ZPBP: variants seen among roughly 807,000 people sequenced by gnomAD.
ZPBP encodes zona pellucida binding protein, also known as zona pellucida-binding protein 1.
Under a neutral mutation model 44.8 loss-of-function variants are expected in ZPBP, and 26 were observed. That is an observed-to-expected ratio of 0.58 (90% CI 0.43 to 0.81). The LOEUF (loss-of-function observed/expected upper bound fraction) is 0.81. Ranked by LOEUF, ZPBP falls within the 30% of genes least tolerant of loss-of-function variation. The pLI, the probability that ZPBP is intolerant of heterozygous loss-of-function variation, is 0.00. For missense variants in ZPBP, 409 were observed against 434.0 expected, an observed-to-expected ratio of 0.94 and a Z score of 0.51; for synonymous variants, 174 against 153.2, an observed-to-expected ratio of 1.14 and a Z score of -1.00.
chr7:49,953,179 A>G (rs1455246925), intron 7 of ZPBP, among the ~76,000 whole-genome samples: 1 of 152,162 alleles, frequency 6.6e-6, no homozygotes, highest in Non-Finnish European at 1.5e-5. Context: ...TAAGGAGACC[A>G]ACCTAAGAGT....
the ZPBP span, among the ~76,000 whole-genome samples, chr7:49,843,263 T>C: frequency 6.6e-6 from 1 of 152,214 alleles, no homozygotes; most frequent in Non-Finnish European, 1.5e-5. Context: ...ATTCAAATTC[T>C]GGTTTAAACT....
At chr7:50,051,805 G>C (rs1057186189) in intron 4 of ZPBP, among the ~76,000 whole-genome samples, 1 of 152,038 alleles carries the variant, frequency 6.6e-6, no homozygotes, top group African/African-American at 2.4e-5. Flanking sequence ...ACTGGGGCCT[G>C]TCGGTGGTGT....
intron 7 of ZPBP, among the ~76,000 whole-genome samples, chr7:49,962,806 G>GA: frequency 6.6e-6 from 1 of 151,840 alleles, no homozygotes; most frequent in South Asian, 2.1e-4. Context: ...AACATTTCTA[G>GA]AAGAAAACAG....
chr7:49,864,436 G>A (rs932493523), intron 2 of ZPBP, among the ~76,000 whole-genome samples: 2 of 152,174 alleles, frequency 1.3e-5, no homozygotes, highest in Non-Finnish European at 2.9e-5. Context: ...CCTTGGGCAA[G>A]TGCATGGTGT....
chr7:49,932,347 A>G lies in ZPBP; in HGVS notation n.411+3404T>C, dbSNP rs138560436. On this transcript the variant is annotated intron_variant and non_coding_transcript_variant, in intron 1 of 2. Transcript: ENST00000465922. ...GTACCCTGCAAAGCCACAGGGGTGG[A>G]GCTTCCCAAGGCTGTGGGAACCCAC... is the stretch of plus-strand genomic sequence containing the variant. Among the ~76,000 whole-genome samples the G allele has an allele frequency of 2.4e-3, 362 of 152,352 alleles. 1 individual carries two copies. The highest frequency in any genetic ancestry group is 8.0e-3 in the African/African-American group (331 of 41,594).
intron 7 of ZPBP, among the ~76,000 whole-genome samples, chr7:49,946,633 C>G (rs1562793098): frequency 6.6e-6 from 1 of 152,054 alleles, no homozygotes; most frequent in South Asian, 2.1e-4. Flanking sequence ...CATTCTTTAT[C>G]CTTGACCTTT....
At chr7:49,884,648 G>A (rs1791818069) in intron 2 of ZPBP, among the ~76,000 whole-genome samples, 1 of 152,136 alleles carries the variant, frequency 6.6e-6, no homozygotes, top group Admixed American at 6.5e-5. Flanking sequence ...TAGGACAGTT[G>A]AGCTGGTTTC....
At chr7:50,038,110 A>C (rs34517855) in intron 4 of ZPBP, among the ~76,000 whole-genome samples, 33,283 of 151,942 alleles carry the variant, frequency 0.22, 4,536 homozygotes, top group African/African-American at 0.39. Flanking sequence ...AGCTGATGAT[A>C]CCTACGACTC....
chr7:49,951,540 T>A (rs1795344375), intron 7 of ZPBP, among the ~76,000 whole-genome samples: 2 of 122,754 alleles, frequency 1.6e-5, no homozygotes, highest in South Asian at 2.4e-4. Flanking sequence ...ATGGTTAAAC[T>A]TTTTTTTTTT....
At chr7:49,885,478 C>A (rs1039833833) in intron 2 of ZPBP, among the ~76,000 whole-genome samples, 1 of 151,544 alleles carries the variant, frequency 6.6e-6, no homozygotes, top group Non-Finnish European at 1.5e-5. Flanking sequence ...AGATTAACTT[C>A]ATCAAATTAC....
intron 4 of ZPBP, among the ~76,000 whole-genome samples, chr7:50,055,007 G>A (rs764973508): frequency 6.6e-6 from 1 of 152,094 alleles, no homozygotes; most frequent in Non-Finnish European, 1.5e-5. Flanking sequence ...AGAAACTGAG[G>A]TTCTCATCTA....
At chr7:49,859,788 GTGCA>G (rs10571154) in intron 2 of ZPBP, among the ~76,000 whole-genome samples, 49,710 of 148,418 alleles carry the variant, frequency 0.33, 8,669 homozygotes, top group Middle Eastern at 0.41. Context: ...GTGCGCGTGC[GTGCA>G]CACACACACA....
chr7:50,022,638 A>C (rs1554373957), intron 5 of ZPBP, among the ~76,000 whole-genome samples: 2 of 152,110 alleles, frequency 1.3e-5, no homozygotes, highest in Non-Finnish European at 2.9e-5. Flanking sequence ...TCTGGTTTCT[A>C]TTTGACATCT....
chr7:49,978,845 C>T (rs6944334), intron 7 of ZPBP, among the ~76,000 whole-genome samples: 143,860 of 152,072 alleles, frequency 0.95, 68,160 homozygotes, highest in African/African-American at 0.99. Flanking sequence ...TTTTCTAAAA[C>T]GTTAGGGTGA....
At chr7:49,955,569 A>G (rs1483064494) in intron 7 of ZPBP, among the ~76,000 whole-genome samples, 1 of 152,122 alleles carries the variant, frequency 6.6e-6, no homozygotes, top group Non-Finnish European at 1.5e-5. Context: ...AAAAAAAACT[A>G]AAGAAAGAAG....
rs777282786 is a variant in ZPBP, at chr7:49,912,101, C to T, written n.412-10886G>A. The T allele has an allele frequency of 6.8e-6, 11 of 1,614,004 alleles. No individual in the cohort carries two copies. The Admixed American group carries it at 1.2e-4, about 17-fold the overall frequency. ...GAGAAGTGAAGACTGACGAGTGCAC[C>T]ATATGCCACTGTACTTATGAGGAAG... On this transcript the variant is annotated intron_variant and non_coding_transcript_variant, in intron 1 of 2. Coordinates refer to the ZPBP transcript ENST00000465922.
chr7:49,854,870 T>C (rs1021569290), intron 2 of ZPBP, among the ~76,000 whole-genome samples: 3 of 152,238 alleles, frequency 2.0e-5, no homozygotes, highest in African/African-American at 7.2e-5. Flanking sequence ...TTATCAACCA[T>C]ATTTTTAGAT....
intron 5 of ZPBP, among the ~76,000 whole-genome samples, chr7:50,020,390 C>CT (rs1421962783): frequency 1.3e-5 from 2 of 152,058 alleles, no homozygotes; most frequent in Non-Finnish European, 2.9e-5. Context: ...TCTTATCTAT[C>CT]TTTTCAGAAT....
chr7:49,948,018 G>A (rs117915259), intron 7 of ZPBP, among the ~76,000 whole-genome samples: 3,521 of 152,320 alleles, frequency 0.023, 63 homozygotes, highest in Non-Finnish European at 0.037. Context: ...TACCACCAAT[G>A]TTCACTCGAG....
Sources: allele counts gnomAD v4.1 joint callset (sites outside exome capture counted in the v4.1 genomes callset), GRCh38; gene constraint gnomAD v4.1.1; transcripts MANE v1.5; gene names NCBI Gene and HGNC (gene_info 2026-07-23, HGNC 2026-07-21).